Variants in KDM5B observed in about 807,000 individuals in gnomAD.
The protein encoded by KDM5B is lysine demethylase 5B.
KDM5B carries 144 observed loss-of-function variants against 193.4 expected under a neutral mutation model. The observed-to-expected ratio is 0.74, with a 90% CI of 0.65 to 0.86. The LOEUF is 0.86. KDM5B is among the 40% of genes least tolerant of loss of function. KDM5B has a pLI of 0.00. For missense variants in KDM5B, 1,833 were observed against 1,886.9 expected, an observed-to-expected ratio of 0.97 and a Z score of 0.53; for synonymous variants, 668 against 682.6, an observed-to-expected ratio of 0.98 and a Z score of 0.33.
Position 202,731,837 on chromosome 1 carries a change from G to A in KDM5B, c.4012C>T (p.Pro1338Ser), listed in dbSNP as rs780620540. The stretch of plus-strand genomic sequence containing the variant: ...ATAACAAAATACAAACCATGGAGGG[G>A]GATACAACTTCGTCCAGTTGAGAAG... ...SPFSTGRSCIPLHGVSPEVNE... is the reference protein window; with the variant it reads ...SPFSTGRSCISLHGVSPEVNE... The change falls in exon 24 of 27, where the codon CCC becomes TCC. Residue 1338 changes from proline (P) to serine (S), a missense_variant. Physicochemically the swap from Pro to Ser is moderately conservative, Grantham distance 74. Around this residue, in one of 3 missense-constraint regions of KDM5B, gnomAD observed 1,379 missense variants for 1,349.6 expected, o/e 1.02. Transcript: ENST00000367265. 1 of 1,604,820 alleles carries A rather than the reference G, an allele frequency of 6.2e-7. No homozygotes were observed.
chr1:202,730,770 A>C, intron 25 of KDM5B, 139 bp downstream of exon 25: 1 of 728,870 alleles, frequency 1.4e-6, no homozygotes. Context: ...CCTTCAACTA[A>C]GTCAGCATTC....
At chr1:202,752,351 T>C (rs1238192244) in intron 12 of KDM5B, among the ~76,000 whole-genome samples, 1 of 152,222 alleles carries the variant, frequency 6.6e-6, no homozygotes, top group African/African-American at 2.4e-5. Flanking sequence ...AGGTATTCAG[T>C]ACAGTAACAT....
chr1:202,738,885 C>T (rs1292434434), intron 20 of KDM5B, among the ~76,000 whole-genome samples: 1 of 152,092 alleles, frequency 6.6e-6, no homozygotes, highest in South Asian at 2.1e-4. Context: ...TTTTTTTAAA[C>T]TTATATACAG....
At position 202,741,624 on chromosome 1, in the gene KDM5B, G is replaced by A; in HGVS notation, c.2688C>T (p.Val896=). 6.2e-7 allele frequency: 1 copy of A among 1,614,138 alleles called. No individual in the cohort carries two copies. Among genetic ancestry groups the A allele is most frequent in the Non-Finnish European group, 8.5e-7 (1 of 1,179,968 alleles). Residue 896 remains valine (V), a synonymous_variant, in exon 19 of 27, where the codon GTC becomes GTT. Transcript: ENST00000367265. ...SAAELQDLLD[V]SFEFDVELPQ... ...GAAGTTCAACATCAAATTCAAAGCTGACATCTAGCAAGTCCTGCAGCTCCG... is the reference window on the plus strand; with the variant it reads ...GAAGTTCAACATCAAATTCAAAGCTAACATCTAGCAAGTCCTGCAGCTCCG...
Position 202,733,448 on chromosome 1 carries a change from A to T in KDM5B, c.3862T>A (p.Tyr1288Asn), listed in dbSNP as rs137981335. 6.2e-7 allele frequency: 1 copy of T among 1,614,174 alleles called. No individual in the cohort carries two copies. The highest frequency in any genetic ancestry group is 8.5e-7 in the Non-Finnish European group (1 of 1,179,996). The change falls in exon 23 of 27, where the codon TAT (tyrosine) becomes AAT (asparagine). Residue 1288 changes from tyrosine (Y) to asparagine (N), a missense_variant. Coordinates refer to ENST00000367265, the MANE Select transcript of KDM5B (RefSeq NM_006618.5). ...VQDRVGSGLL[Y>N]SRWQASAGQV... ...CCTGCTGAGGCTTGCCATCTGCTAT[A>T]TAACAGTCCTGAGCCCACTCGATCT... is the stretch of plus-strand genomic sequence containing the variant.
At chr1:202,798,300 CTTT>C (rs34994129) in intron 1 of KDM5B, among the ~76,000 whole-genome samples, 23 of 131,350 alleles carry the variant, frequency 1.8e-4, no homozygotes, top group Admixed American at 2.4e-4. Context: ...TGGTTTTTGT[CTTT>C]TTTTTTTTTT....
rs2102204264 is a variant in KDM5B, at chr1:202,728,487, G to A, written c.*549C>T. ...AAACCAACATAGAAGTTATTGCTCA[G>A]ATAAATAAACCTAGTCTACCAGGAA... On this transcript the variant is annotated 3_prime_UTR_variant, in exon 27 of 27. Coordinates refer to ENST00000367265, the MANE Select transcript of KDM5B (RefSeq NM_006618.5). 6.5e-6 allele frequency: 1 copy of A among 153,314 alleles called. No individual in the cohort carries two copies. The highest frequency in any genetic ancestry group is 2.4e-5 in the African/African-American group (1 of 41,566). The allele number at this position is 153,314 out of a possible 1,614,324, so 9.5% of individuals were successfully genotyped here. A position where few individuals can be genotyped will look rare whatever the true frequency, so the allele number is the denominator to read the frequency against.
At chr1:202,753,092 T>C in intron 11 of KDM5B, 25 bp from the exon 12 acceptor site, 5 of 1,596,658 alleles carry the variant, frequency 3.1e-6, no homozygotes, top group Non-Finnish European at 4.3e-6. Context: ...TAAAAATAAA[T>C]CAATCTGCAA....
chr1:202,773,892 C>T (rs1304804056), intron 3 of KDM5B, among the ~76,000 whole-genome samples: 1 of 152,144 alleles, frequency 6.6e-6, no homozygotes, highest in Non-Finnish European at 1.5e-5. Context: ...CATGTGCCAC[C>T]ACACCCAGCT....
chr1:202,724,783 A>C lies in KDM5B; in HGVS notation c.*4253T>G, dbSNP rs1654620681. ...GTGTGTTCACAGCAGAATCACAGTC[A>C]GTGAGAACGTATTGGCAAGGGCAGA... On this transcript the variant is annotated 3_prime_UTR_variant, in exon 27 of 27. Transcript: ENST00000367265. 6.6e-6 allele frequency: 1 copy of C among 152,126 alleles called. No individual in the cohort carries two copies. Among genetic ancestry groups the C allele is most frequent in the African/African-American group, 2.4e-5 (1 of 41,416 alleles). 9.4% of individuals were successfully genotyped at this position (152,126 alleles called of 1,614,324 possible). A position where few individuals can be genotyped will look rare whatever the true frequency, so the allele number is the denominator to read the frequency against.
chr1:202,808,362 C>T lies in KDM5B; in HGVS notation c.-57G>A. 1 of 1,465,128 alleles carries T rather than the reference C, an allele frequency of 6.8e-7. No homozygotes were observed. Among genetic ancestry groups the T allele is most frequent in the Non-Finnish European group, 9.1e-7 (1 of 1,103,650 alleles). 90.8% of individuals were successfully genotyped at this position (1,465,128 alleles called of 1,614,324 possible). On this transcript the variant is annotated 5_prime_UTR_variant, in exon 1 of 27. Coordinates refer to ENST00000367265, the MANE Select transcript of KDM5B (RefSeq NM_006618.5). ...TGGGCTCCGGGACCGAGGCTGCGAG[C>T]TCCGCTCGGTCCGAGACCCGTGCAG...
intron 1 of KDM5B, chr1:202,796,405 C>A: frequency 4.2e-6 from 1 of 235,858 alleles, no homozygotes; most frequent in East Asian, 1.4e-4. Flanking sequence ...CCCAGCCACC[C>A]TGGTGATGAC....
chr1:202,732,637 G>A, intron 23 of KDM5B, among the ~76,000 whole-genome samples: 1 of 150,188 alleles, frequency 6.7e-6, no homozygotes, highest in East Asian at 1.9e-4. Context: ...TTTTTGTTTG[G>A]TCTTCATCTT....
Position 202,758,458 on chromosome 1 carries a change from T to C in KDM5B, c.1130A>G (p.Tyr377Cys), listed in dbSNP as rs1457666861. 4.3e-6 allele frequency: 7 copies of C among 1,612,916 alleles called. No homozygotes were observed. The highest frequency in any genetic ancestry group is 3.3e-5 in the South Asian group (3 of 90,984). The change falls in exon 9 of 27, where the codon TAT becomes TGT. Residue 377 changes from tyrosine to cysteine, a missense_variant. Physicochemically the swap from Tyr to Cys is radical, Grantham distance 194 (BLOSUM62 -2). Around this residue, in one of 3 missense-constraint regions of KDM5B, gnomAD observed 99 missense variants for 162.4 expected, o/e 0.61. Coordinates refer to ENST00000367265, the MANE Select transcript of KDM5B (RefSeq NM_006618.5). ...AFGFEQAARDYTLRTFGEMAD... is the reference protein window; with the variant it reads ...AFGFEQAARDCTLRTFGEMAD... ...CATTTCCCCAAAAGTACGGAGGGTATAGTCCCTGGCTGCTTGTTCAAAGCC... is the reference window on the plus strand; with the variant it reads ...CATTTCCCCAAAAGTACGGAGGGTACAGTCCCTGGCTGCTTGTTCAAAGCC...
In KDM5B at chr1:202,808,345, G is replaced by A. The variant is rs555594141; in HGVS notation, c.-40C>T. On this transcript the variant is annotated 5_prime_UTR_variant, in exon 1 of 27. Transcript: ENST00000367265. ...CAAGGGCGAGGCGAAGGTGGGCTCC[G>A]GGACCGAGGCTGCGAGCTCCGCTCG... The A allele has an allele frequency of 1.3e-6, 2 of 1,510,704 alleles. No homozygotes were observed. Among genetic ancestry groups the A allele is most frequent in the African/African-American group, 2.8e-5 (2 of 72,720 alleles). The allele number at this position is 1,510,704 out of a possible 1,614,324, so 93.6% of individuals were successfully genotyped here.
chr1:202,807,137 T>C (rs2102358671), intron 1 of KDM5B: 1 of 152,392 alleles, frequency 6.6e-6, no homozygotes. Flanking sequence ...TGCCTTTCAG[T>C]GCCCGGAGCC....
chr1:202,784,444 C>G (rs895331909), intron 1 of KDM5B, among the ~76,000 whole-genome samples: 1 of 152,096 alleles, frequency 6.6e-6, no homozygotes, highest in Non-Finnish European at 1.5e-5. Context: ...AATGCACTTG[C>G]AAGTTAGCAA....
intron 20 of KDM5B, among the ~76,000 whole-genome samples, chr1:202,738,906 A>T (rs993877194): frequency 6.6e-6 from 1 of 152,232 alleles, no homozygotes; most frequent in Non-Finnish European, 1.5e-5. Flanking sequence ...GTCAATAAGT[A>T]TAACATCTAG....
At chr1:202,776,818 C>A (rs1363600990) in intron 2 of KDM5B, among the ~76,000 whole-genome samples, 199 bp downstream of exon 2, 1 of 152,160 alleles carries the variant, frequency 6.6e-6, no homozygotes, top group Non-Finnish European at 1.5e-5. Context: ...GCTGAGATTA[C>A]AAGTGTGAGC....
Sources: allele counts gnomAD v4.1 joint callset (sites outside exome capture counted in the v4.1 genomes callset), GRCh38; gene constraint gnomAD v4.1.1; regional missense constraint gnomAD v4.1.1; transcripts MANE v1.5; gene names NCBI Gene and HGNC (gene_info 2026-07-23, HGNC 2026-07-21).